Variants in NFKB1 observed in about 807,000 individuals in gnomAD.
NFKB1 encodes nuclear factor NF-kappa-B p105 subunit.
In NFKB1, 9 loss-of-function variants were observed where a neutral mutation model predicts 105.1. The ratio of observed to expected loss-of-function variants is 0.09; its 90% CI spans 0.05 to 0.15. The LOEUF is 0.15. Ranked by LOEUF, NFKB1 falls within the 10% of genes least tolerant of loss-of-function variation. NFKB1 has a pLI of 1.00. For missense variants in NFKB1, 830 were observed against 1,203.7 expected (o/e 0.69, Z 4.59); for synonymous variants, 440 against 442.2 (o/e 1.00, Z 0.06).
At chr4:102,561,884 G>T (rs569656170) in intron 5 of NFKB1, among the ~76,000 whole-genome samples, 1 of 152,094 alleles carries the variant, frequency 6.6e-6, no homozygotes, top group Non-Finnish European at 1.5e-5. Context: ...TTCATATTGC[G>T]CTAGGTTGCA....
chr4:102,520,053 A>G (rs1740464502), intron 1 of NFKB1, among the ~76,000 whole-genome samples: 1 of 152,196 alleles, frequency 6.6e-6, no homozygotes, highest in Admixed American at 6.5e-5. Flanking sequence ...TGTGCAGTAT[A>G]GGATGTGTAG....
chr4:102,524,596 A>G (rs181429201), intron 1 of NFKB1, among the ~76,000 whole-genome samples: 2 of 152,262 alleles, frequency 1.3e-5, no homozygotes, highest in Admixed American at 6.5e-5. Flanking sequence ...TATTATTATT[A>G]ACATTGTAAT....
Position 102,582,939 on chromosome 4 carries a change from C to G in NFKB1, c.909C>G (p.Pro303=). 1 of 1,608,516 alleles carries G rather than the reference C, an allele frequency of 6.2e-7. No individual in the cohort carries two copies. Among genetic ancestry groups the G allele is most frequent in the Non-Finnish European group, 8.5e-7 (1 of 1,175,512 alleles). The stretch of plus-strand genomic sequence containing the variant: ...GGGAAGGATTTGGAGATTTTTCCCC[C>G]ACAGATGTTCATAGACAAGTAAGTG... The part of the protein sequence containing the change: ...GVWEGFGDFS[P]TDVHRQFAIV... The change falls in exon 10 of 24, where the codon CCC becomes CCG. Residue 303 remains proline (P), a synonymous_variant. Transcript: ENST00000226574.
Position 102,576,445 on chromosome 4 carries a change from A to T in NFKB1, c.408-431A>T, listed in dbSNP as rs555517735. ...TCCTCATTAAGACATATAGACACAT[A>T]TGCTCCCACTCCCGTAATCAAATTT... is the stretch of plus-strand genomic sequence containing the variant. On this transcript the variant is annotated intron_variant, in intron 6 of 23. Transcript: ENST00000226574. Among the ~76,000 whole-genome samples, 16 of 152,332 alleles carry T rather than the reference A, an allele frequency of 1.1e-4. No homozygotes were observed. In the South Asian group the frequency reaches 3.1e-3, roughly 30 times the overall value.
chr4:102,519,419 C>A (rs1038900016), intron 1 of NFKB1, among the ~76,000 whole-genome samples: 3 of 148,196 alleles, frequency 2.0e-5, no homozygotes, highest in Admixed American at 6.8e-5. Flanking sequence ...TTTTATCATA[C>A]CATCAGTGAG....
chr4:102,616,304 G>A (rs746126340), intron 23 of NFKB1, 130 bp from the exon 24 acceptor site: 6 of 924,852 alleles, frequency 6.5e-6, no homozygotes. Context: ...GAGCAGTCAT[G>A]ACAGTGAGGG....
At chr4:102,583,230 C>T (rs1725453264) in intron 10 of NFKB1, among the ~76,000 whole-genome samples, 1 of 152,108 alleles carries the variant, frequency 6.6e-6, no homozygotes, top group South Asian at 2.1e-4. Flanking sequence ...AAGCGATTAT[C>T]CCACATTGGC....
chr4:102,560,324 G>A (rs1366828828), intron 5 of NFKB1, among the ~76,000 whole-genome samples: 1 of 152,306 alleles, frequency 6.6e-6, no homozygotes, highest in South Asian at 2.1e-4. Context: ...AAAGGAAACC[G>A]TGGGTCAAAG....
intron 1 of NFKB1, among the ~76,000 whole-genome samples, chr4:102,522,605 G>A (rs1022501629): frequency 6.6e-6 from 1 of 152,162 alleles, no homozygotes; most frequent in Non-Finnish European, 1.5e-5. Flanking sequence ...AGTGAGGACT[G>A]CTTTATGTTA....
intron 5 of NFKB1, among the ~76,000 whole-genome samples, chr4:102,539,500 A>G (rs769322995): frequency 1.3e-5 from 2 of 152,082 alleles, no homozygotes; most frequent in African/African-American, 4.8e-5. Flanking sequence ...TGTTTTTTCT[A>G]TTAAAGGTAA....
intron 2 of NFKB1, 152 bp from the exon 3 acceptor site, chr4:102,529,684 A>G: frequency 1.6e-6 from 1 of 623,056 alleles, no homozygotes; most frequent in Non-Finnish European, 2.9e-6. Flanking sequence ...TCTCATGAAG[A>G]TCTTTTAAAA....
chr4:102,529,762 G>A (rs1578726236), intron 2 of NFKB1, 74 bp from the exon 3 acceptor site: 1 of 1,020,700 alleles, frequency 9.8e-7, no homozygotes, highest in Admixed American at 2.4e-5. Context: ...TACATTTTAG[G>A]TGTCCCAACT....
At chr4:102,541,945 T>G (rs1742023618) in intron 5 of NFKB1, among the ~76,000 whole-genome samples, 1 of 152,092 alleles carries the variant, frequency 6.6e-6, no homozygotes, top group Non-Finnish European at 1.5e-5. Flanking sequence ...GATAGTTCAG[T>G]GCATACTCGG....
chr4:102,537,642 T>G (rs1212195574), intron 4 of NFKB1: 1 of 387,276 alleles, frequency 2.6e-6, no homozygotes, highest in Non-Finnish European at 4.7e-6. Flanking sequence ...CCTGGCTTTT[T>G]AGCCATATCT....
chr4:102,606,872 A>C (rs1727798166), intron 17 of NFKB1, among the ~76,000 whole-genome samples, 175 bp downstream of exon 17: 1 of 152,172 alleles, frequency 6.6e-6, no homozygotes, highest in Non-Finnish European at 1.5e-5. Flanking sequence ...TTTTTTAAAG[A>C]TGATTTGGAA....
chr4:102,527,709 G>A (rs1425638479), intron 2 of NFKB1, among the ~76,000 whole-genome samples: 2 of 152,176 alleles, frequency 1.3e-5, no homozygotes, highest in East Asian at 3.9e-4. Context: ...TTGGCTAATT[G>A]TATTATCAAA....
chr4:102,588,424 G>A (rs1725890627), intron 11 of NFKB1, among the ~76,000 whole-genome samples: 1 of 151,224 alleles, frequency 6.6e-6, no homozygotes, highest in Non-Finnish European at 1.5e-5. Context: ...GAAGATAGTT[G>A]AGGAACTGCT....
At chr4:102,572,508 A>T (rs1387933630) in intron 6 of NFKB1, among the ~76,000 whole-genome samples, 1 of 152,188 alleles carries the variant, frequency 6.6e-6, no homozygotes, top group Non-Finnish European at 1.5e-5. Context: ...GGGCAAAAAT[A>T]AAACAAAAAA....
At chr4:102,529,784 A>G in intron 2 of NFKB1, 52 bp from the exon 3 acceptor site, 1 of 1,365,142 alleles carries the variant, frequency 7.3e-7, no homozygotes, top group South Asian at 1.3e-5. Context: ...CAAATTTTTC[A>G]TATAATATAG....
Sources: gnomAD v4.1 joint callset for allele counts (sites outside exome capture counted in the v4.1 genomes callset) on GRCh38, gnomAD v4.1.1 for gene constraint, MANE v1.5 for transcripts, NCBI Gene and HGNC (gene_info 2026-07-23, HGNC 2026-07-21) for gene names.